The following KLF9 variants were observed in gnomAD, a reference collection of about 807,000 sequenced individuals.
KLF9 encodes the protein Krueppel-like factor 9.
In KLF9, 2 loss-of-function variants were observed where a neutral mutation model predicts 17.3. The observed-to-expected ratio is 0.12, with a 90% CI of 0.05 to 0.36. KLF9 has a LOEUF of 0.36. KLF9 is among the 10% of genes least tolerant of loss of function. The pLI is 1.00. For synonymous variants in KLF9, 138 were observed against 139.2 expected (o/e 0.99, Z 0.06); for missense variants, 226 against 333.2 (o/e 0.68, Z 2.51).
chr9:70,392,103 T>C (rs191832977), intron 1 of KLF9, among the ~76,000 whole-genome samples: 16 of 152,330 alleles, frequency 1.1e-4, no homozygotes, highest in African/African-American at 3.6e-4. Flanking sequence ...GAGAATCGCT[T>C]GAACCCGAGG....
chr9:70,404,679 A>G (rs1436816779), intron 1 of KLF9, among the ~76,000 whole-genome samples: 1 of 152,168 alleles, frequency 6.6e-6, no homozygotes, highest in Non-Finnish European at 1.5e-5. Context: ...ATTCTAAACA[A>G]AAATTCTAGG....
chr9:70,394,176 G>A (rs2037168250), intron 1 of KLF9, among the ~76,000 whole-genome samples: 2 of 152,014 alleles, frequency 1.3e-5, no homozygotes, highest in African/African-American at 4.8e-5. Flanking sequence ...TTGAGCCCAG[G>A]AGATCAAAAC....
intron 1 of KLF9, among the ~76,000 whole-genome samples, chr9:70,388,407 A>C (rs1299248512): frequency 6.6e-6 from 1 of 152,156 alleles, no homozygotes; most frequent in Non-Finnish European, 1.5e-5. Context: ...TTGGACTCCC[A>C]GTCTCCAGAA....
At position 70,387,148 on chromosome 9, in the gene KLF9, C is replaced by G. The variant is rs1306388455; in HGVS notation, c.*628G>C. The G allele has an allele frequency of 6.5e-6, 1 of 152,708 alleles. No individual in the cohort carries two copies. Among genetic ancestry groups the G allele is most frequent in the African/African-American group, 2.4e-5 (1 of 41,278 alleles). 9.5% of individuals were successfully genotyped at this position (152,708 alleles called of 1,614,324 possible). On this transcript the variant is annotated 3_prime_UTR_variant, in exon 2 of 2. Coordinates refer to ENST00000377126, the MANE Select transcript of KLF9 (RefSeq NM_001206.4). ...GTTTTCAAGTCTTTAGATGACAGAT[C>G]ATGCTGGAGTAGATGTGCTCTTGCT...
chr9:70,398,028 T>C (rs1587740275), intron 1 of KLF9, among the ~76,000 whole-genome samples: 1 of 152,226 alleles, frequency 6.6e-6, no homozygotes, highest in African/African-American at 2.4e-5. Flanking sequence ...AAATCATTCA[T>C]TCAAAAGTCT....
intron 1 of KLF9, among the ~76,000 whole-genome samples, chr9:70,402,427 C>T (rs960695550): frequency 3.3e-5 from 5 of 152,184 alleles, no homozygotes; most frequent in African/African-American, 1.2e-4. Context: ...ATAAACAGCT[C>T]GTCTTTGCAT....
chr9:70,393,005 C>A (rs996639641), intron 1 of KLF9, among the ~76,000 whole-genome samples: 1 of 152,192 alleles, frequency 6.6e-6, no homozygotes, highest in Non-Finnish European at 1.5e-5. Flanking sequence ...CTGTTAACAG[C>A]ACAAGTTTCT....
chr9:70,405,442 G>T (rs2037249606), intron 1 of KLF9, among the ~76,000 whole-genome samples: 1 of 152,084 alleles, frequency 6.6e-6, no homozygotes, highest in South Asian at 2.1e-4. Flanking sequence ...GTTAAGGATT[G>T]GCCTTTCTCC....
At chr9:70,400,184 G>A (rs2118916832) in intron 1 of KLF9, among the ~76,000 whole-genome samples, 1 of 152,298 alleles carries the variant, frequency 6.6e-6, no homozygotes, top group South Asian at 2.1e-4. Context: ...CTTCTAAAGT[G>A]CAGGGTGGGG....
At chr9:70,400,606 G>A (rs920915904) in intron 1 of KLF9, among the ~76,000 whole-genome samples, 1 of 152,206 alleles carries the variant, frequency 6.6e-6, no homozygotes, top group African/African-American at 2.4e-5. Context: ...ACTGATGCCT[G>A]ATTAGTCAAC....
At chr9:70,391,881 C>T (rs2037155842) in intron 1 of KLF9, among the ~76,000 whole-genome samples, 1 of 152,124 alleles carries the variant, frequency 6.6e-6, no homozygotes, top group African/African-American at 2.4e-5. Flanking sequence ...TGGAAACAGC[C>T]ATGCTCATTG....
Position 70,389,359 on chromosome 9 carries a change from G to T in KLF9, c.506-1354C>A, listed in dbSNP as rs575458587. Among the ~76,000 whole-genome samples, 3 of 151,858 alleles carry T rather than the reference G, an allele frequency of 2.0e-5. No individual in the cohort carries two copies. In the South Asian group the frequency reaches 6.2e-4, roughly 32 times the overall value. ...TGAATTTTCACAAGCACTCCACAAG[G>T]TTGCCCCATTTCACAGATGAGAAAA... On this transcript the variant is annotated intron_variant, in intron 1 of 1. Transcript: ENST00000377126.
Position 70,409,126 on chromosome 9 carries a change from ATATG to A in KLF9, c.505+3729_505+3732del, listed in dbSNP as rs1316384368. 1.2e-4 allele frequency among the ~76,000 whole-genome samples: 9 copies of A among 76,586 alleles called. 1 individual carries two copies. Among genetic ancestry groups the A allele is most frequent in the Non-Finnish European group, 2.0e-4 (6 of 30,052 alleles). 50.2% of individuals were successfully genotyped at this position (76,586 alleles called of 152,430 possible). A position where few individuals can be genotyped will look rare whatever the true frequency, so the allele number is the denominator to read the frequency against. Reference sequence around the variant, plus strand: ...TGTGTATATATATACATATATGTATATATGTATACATATATATGTATATGTATAT... The same window carrying A: ...TGTGTATATATATACATATATGTATATATACATATATATGTATATGTATAT... On this transcript the variant is annotated intron_variant, in intron 1 of 1. Transcript: ENST00000377126.
chr9:70,408,958 G>A (rs552002045), intron 1 of KLF9, among the ~76,000 whole-genome samples: 3 of 141,894 alleles, frequency 2.1e-5, no homozygotes, highest in African/African-American at 2.6e-5. Flanking sequence ...ACCTCTCCTG[G>A]TTTTTTATGT....
chr9:70,411,278 A>G (rs140163357), intron 1 of KLF9, among the ~76,000 whole-genome samples: 21 of 152,318 alleles, frequency 1.4e-4, no homozygotes, highest in African/African-American at 5.1e-4. Flanking sequence ...TCAAGGTGGC[A>G]GTGGGTGTCG....
intron 1 of KLF9, among the ~76,000 whole-genome samples, chr9:70,409,152 A>G (rs10780932): frequency 1.4e-4 from 7 of 48,336 alleles, no homozygotes; most frequent in South Asian, 1.4e-3. Context: ...ATGTATATGT[A>G]TATATATACA....
At chr9:70,411,283 G>A (rs2037310696) in intron 1 of KLF9, among the ~76,000 whole-genome samples, 1 of 152,144 alleles carries the variant, frequency 6.6e-6, no homozygotes, top group Non-Finnish European at 1.5e-5. Context: ...GTGGCAGTGG[G>A]TGTCGATGGG....
chr9:70,397,278 C>T (rs750887541), intron 1 of KLF9, among the ~76,000 whole-genome samples: 9 of 151,982 alleles, frequency 5.9e-5, no homozygotes, highest in Admixed American at 1.3e-4. Context: ...AGGTTGAGAC[C>T]ATCCTGGCCA....
intron 1 of KLF9, among the ~76,000 whole-genome samples, chr9:70,391,068 T>G (rs2037150351): frequency 6.6e-6 from 1 of 152,126 alleles, no homozygotes; most frequent in Non-Finnish European, 1.5e-5. Context: ...GCCTCCTCAC[T>G]GGCATGTGTA....
Sources: gnomAD v4.1 joint callset for allele counts (sites outside exome capture counted in the v4.1 genomes callset) on GRCh38, gnomAD v4.1.1 for gene constraint, MANE v1.5 for transcripts, NCBI Gene and HGNC (gene_info 2026-07-23, HGNC 2026-07-21) for gene names.